Variants in CALCR observed in about 807,000 individuals in gnomAD.
The protein encoded by CALCR is calcitonin receptor.
CALCR carries 47 observed loss-of-function variants against 59.5 expected under a neutral mutation model. The observed-to-expected ratio is 0.79, with a 90% CI of 0.63 to 1.01. The LOEUF is 1.01. Ranked by LOEUF, CALCR falls within the 50% of genes least tolerant of loss-of-function variation. The probability of loss-of-function intolerance (pLI) is 0.00; values close to 1 mark genes in which losing one functional copy is unlikely to be tolerated. For synonymous variants in CALCR, 213 were observed against 211.3 expected (o/e 1.01, Z -0.07); for missense variants, 566 against 597.1 (o/e 0.95, Z 0.54).
intron 2 of CALCR, among the ~76,000 whole-genome samples, chr7:93,529,276 TG>T (rs1191222644): frequency 1.3e-5 from 2 of 152,064 alleles, no homozygotes; most frequent in Non-Finnish European, 2.9e-5. Flanking sequence ...TAAAAGTGTG[TG>T]GCACCTCCCC....
intron 2 of CALCR, among the ~76,000 whole-genome samples, chr7:93,558,536 G>A (rs1789663728): frequency 6.6e-6 from 1 of 151,972 alleles, no homozygotes; most frequent in South Asian, 2.1e-4. Context: ...GATATTGAGA[G>A]GAAAAAGGTA....
chr7:93,494,306 C>T (rs954737187), intron 2 of CALCR, among the ~76,000 whole-genome samples: 1 of 151,304 alleles, frequency 6.6e-6, no homozygotes, highest in Non-Finnish European at 1.5e-5. Context: ...GCATTGGAGG[C>T]AATGGGAGAC....
chr7:93,446,915 C>A (rs1800016370), intron 8 of CALCR, among the ~76,000 whole-genome samples: 1 of 151,916 alleles, frequency 6.6e-6, no homozygotes, highest in Non-Finnish European at 1.5e-5. Flanking sequence ...ATACTTGAAG[C>A]CAAAAATAGA....
chr7:93,512,515 T>TA (rs1011400034), intron 2 of CALCR, among the ~76,000 whole-genome samples: 4 of 152,112 alleles, frequency 2.6e-5, no homozygotes, highest in African/African-American at 9.7e-5. Flanking sequence ...TTCAGGGCCT[T>TA]AAAAAATGCA....
chr7:93,538,161 GTCTC>G (rs974298383), intron 2 of CALCR, among the ~76,000 whole-genome samples: 22 of 152,002 alleles, frequency 1.4e-4, no homozygotes, highest in African/African-American at 4.8e-4. Context: ...ATATCATAAA[GTCTC>G]TATCTTTATT....
intron 8 of CALCR, among the ~76,000 whole-genome samples, chr7:93,460,593 G>GTGTATATA (rs1296016997): frequency 3.9e-4 from 35 of 89,360 alleles, no homozygotes; most frequent in African/African-American, 1.6e-3. Context: ...ATATATATAT[G>GTGTATATA]TATATATATA....
At chr7:93,532,689 G>A (rs17165550) in intron 2 of CALCR, among the ~76,000 whole-genome samples, 2,310 of 151,752 alleles carry the variant, frequency 0.015, 57 homozygotes, top group African/African-American at 0.052. Context: ...GTTAGGTTTC[G>A]GAAGAGTGGA....
chr7:93,529,542 A>T (rs1473219890), intron 2 of CALCR, among the ~76,000 whole-genome samples: 1 of 152,196 alleles, frequency 6.6e-6, no homozygotes, highest in Non-Finnish European at 1.5e-5. Context: ...CAATTTGAAG[A>T]ACCACAAGAA....
intron 8 of CALCR, among the ~76,000 whole-genome samples, chr7:93,454,738 G>A (rs1800174278): frequency 6.6e-6 from 1 of 151,376 alleles, no homozygotes; most frequent in African/African-American, 2.4e-5. Context: ...TTTATGCCAT[G>A]AGTTATTTTG....
rs928151028 is a variant in CALCR, at chr7:93,472,438, A to T, written c.366T>A (p.Pro122=). 1 of 1,610,734 alleles carries T rather than the reference A, an allele frequency of 6.2e-7. No individual in the cohort carries two copies. Among genetic ancestry groups the T allele is most frequent in the Non-Finnish European group, 8.5e-7 (1 of 1,177,704 alleles). The change falls in exon 6 of 14, where the codon CCT becomes CCA. Residue 122 remains proline, a synonymous_variant. Coordinates refer to ENST00000426151, the MANE Select transcript of CALCR (RefSeq NM_001742.4). ...CDEKGVWFKH[P]ENNRTWSNYT... The stretch of plus-strand genomic sequence containing the variant: ...AGTTGGACCAGGTTCGATTGTTTTC[A>T]GGATGTTTAAACCAAACACCTTTTT...
chr7:93,457,246 A>G (rs1202379922), intron 8 of CALCR, among the ~76,000 whole-genome samples: 8 of 152,152 alleles, frequency 5.3e-5, no homozygotes, highest in Non-Finnish European at 7.3e-5. Flanking sequence ...ATCACTTGTA[A>G]TATTAGGCCC....
chr7:93,467,516 T>C lies in CALCR; in HGVS notation c.521+1199A>G, dbSNP rs901538874. ...CTTGGTTTAATTTTCCTTAGTACTA[T>C]CCTGACAATATTTTAACAAAAATCA... On this transcript the variant is annotated intron_variant, in intron 7 of 13. Transcript: ENST00000426151. 2.6e-5 allele frequency among the ~76,000 whole-genome samples: 4 copies of C among 151,782 alleles called. No homozygotes were observed. The East Asian group carries it at 7.7e-4, about 29-fold the overall frequency.
intron 2 of CALCR, among the ~76,000 whole-genome samples, chr7:93,546,550 GTGACTTTT>G (rs1416651461): frequency 1.3e-5 from 2 of 151,608 alleles, no homozygotes; most frequent in Non-Finnish European, 2.9e-5. Flanking sequence ...CCATGAGTGA[GTGACTTTT>G]TGTTTTCTTT....
At chr7:93,483,912 CA>C in intron 3 of CALCR, 1 of 451,696 alleles carries the variant, frequency 2.2e-6, no homozygotes, top group Non-Finnish European at 4.9e-6. Context: ...TACAAACAAA[CA>C]AAACTCTTAA....
At chr7:93,511,898 A>C (rs2116048366) in intron 2 of CALCR, among the ~76,000 whole-genome samples, 1 of 152,320 alleles carries the variant, frequency 6.6e-6, no homozygotes, top group South Asian at 2.1e-4. Flanking sequence ...AAAAGAAAGA[A>C]TCTTCTTTTC....
intron 5 of CALCR, among the ~76,000 whole-genome samples, chr7:93,475,388 T>C (rs1322456545): frequency 1.3e-5 from 2 of 151,754 alleles, no homozygotes; most frequent in Non-Finnish European, 2.9e-5. Flanking sequence ...ATTAACAACA[T>C]GTGAAAAAGG....
At chr7:93,533,150 A>T (rs948867269) in intron 2 of CALCR, among the ~76,000 whole-genome samples, 1 of 151,968 alleles carries the variant, frequency 6.6e-6, no homozygotes, top group African/African-American at 2.4e-5. Flanking sequence ...TTTTATTATT[A>T]CATTTGAAAT....
At position 93,486,831 on chromosome 7, in the gene CALCR, A is replaced by G. The variant is rs892336499; in HGVS notation, c.51+100T>C. The stretch of plus-strand genomic sequence containing the variant: ...ACTTAGTTTCGGCTTCTGGAGACCA[A>G]TGCCTACCCTTGCAAATACTAATTA... On this transcript the variant is annotated intron_variant, in intron 3 of 13. Transcript: ENST00000426151. 6.9e-5 allele frequency: 54 copies of G among 785,716 alleles called. No homozygotes were observed. In the East Asian group the frequency reaches 9.0e-4, roughly 13 times the overall value. 48.7% of individuals were successfully genotyped at this position (785,716 alleles called of 1,614,324 possible). A position where few individuals can be genotyped will look rare whatever the true frequency, so the allele number is the denominator to read the frequency against.
rs546376674 is a variant in CALCR at position 93,451,848 on chromosome 7, A to G, written c.649-8091T>C. Among the ~76,000 whole-genome samples the G allele has an allele frequency of 3.9e-5, 6 of 152,190 alleles. No individual in the cohort carries two copies. The South Asian group carries it at 1.2e-3, about 32-fold the overall frequency. The stretch of plus-strand genomic sequence containing the variant: ...GGAATACCATGCAGACATAAGAAAG[A>G]ATGAGATCATATCCTTTGCAGCAAC... On this transcript the variant is annotated intron_variant, in intron 8 of 13. Coordinates refer to ENST00000426151, the MANE Select transcript of CALCR (RefSeq NM_001742.4).
Sources: allele counts gnomAD v4.1 joint callset (sites outside exome capture counted in the v4.1 genomes callset), GRCh38; gene constraint gnomAD v4.1.1; transcripts MANE v1.5; gene names NCBI Gene and HGNC (gene_info 2026-07-23, HGNC 2026-07-21).